Variants in LRFN5 observed in about 807,000 individuals in gnomAD.
LRFN5 encodes the protein leucine rich repeat and fibronectin type III domain containing 5.
Under a neutral mutation model 45.6 loss-of-function variants are expected in LRFN5, and 24 were observed. The observed-to-expected ratio is 0.53, with a 90% CI of 0.38 to 0.74. The LOEUF is 0.74. Among genes scored for constraint, LRFN5 ranks in the 30% least tolerant of loss-of-function variants. The probability of loss-of-function intolerance (pLI) is 0.00; values close to 1 mark genes in which losing one functional copy is unlikely to be tolerated. For missense variants in LRFN5, 776 were observed against 861.5 expected (o/e 0.90, Z 1.24); for synonymous variants, 340 against 313.8 (o/e 1.08, Z -0.88).
chr14:41,877,334 A>G (rs1461344099), intron 2 of LRFN5, among the ~76,000 whole-genome samples: 1 of 152,146 alleles, frequency 6.6e-6, no homozygotes, highest in Non-Finnish European at 1.5e-5. Context: ...ATGACATAAA[A>G]CATCTTTTTA....
chr14:41,781,634 GGAAA>G (rs1476908515), intron 2 of LRFN5, among the ~76,000 whole-genome samples: 49 of 114,934 alleles, frequency 4.3e-4, no homozygotes, highest in Admixed American at 1.7e-3. Context: ...AAGAAAGAAA[GGAAA>G]GAAAGAAAGA....
intron 1 of LRFN5, among the ~76,000 whole-genome samples, chr14:41,748,406 T>C (rs1885005560): frequency 6.6e-6 from 1 of 152,120 alleles, no homozygotes; most frequent in African/African-American, 2.4e-5. Flanking sequence ...AAATAAAATA[T>C]GCCAATTACA....
chr14:41,761,979 GT>G (rs925947387), intron 1 of LRFN5, among the ~76,000 whole-genome samples: 7 of 151,474 alleles, frequency 4.6e-5, no homozygotes, highest in Non-Finnish European at 8.8e-5. Flanking sequence ...ATACATTTTG[GT>G]TTTCACTGAA....
At chr14:41,853,509 G>A (rs1456440331) in intron 2 of LRFN5, among the ~76,000 whole-genome samples, 2 of 152,102 alleles carry the variant, frequency 1.3e-5, no homozygotes, top group Admixed American at 6.6e-5. Flanking sequence ...ACTCTTAAGC[G>A]AACTTTTTAG....
chr14:41,750,494 A>C (rs1235491991), intron 1 of LRFN5, among the ~76,000 whole-genome samples: 1 of 151,942 alleles, frequency 6.6e-6, no homozygotes, highest in Admixed American at 6.6e-5. Flanking sequence ...TATTATTTTG[A>C]AGGTCACATA....
At chr14:41,789,756 G>A (rs767533202) in intron 2 of LRFN5, among the ~76,000 whole-genome samples, 19 of 151,788 alleles carry the variant, frequency 1.3e-4, no homozygotes, top group Non-Finnish European at 1.9e-4. Context: ...CATTTTTTCT[G>A]TATCTGCTAA....
chr14:41,696,380 G>A (rs957193553), intron 1 of LRFN5, among the ~76,000 whole-genome samples: 1 of 151,858 alleles, frequency 6.6e-6, no homozygotes, highest in African/African-American at 2.4e-5. Context: ...TTCCAACTTT[G>A]AAAGAAGTTC....
intron 1 of LRFN5, among the ~76,000 whole-genome samples, chr14:41,762,297 A>G (rs997749601): frequency 4.6e-5 from 7 of 152,126 alleles, no homozygotes; most frequent in Non-Finnish European, 1.0e-4. Flanking sequence ...AACTCTTGCT[A>G]TTAGAGGAAA....
chr14:41,843,215 A>G (rs955638458), intron 2 of LRFN5, among the ~76,000 whole-genome samples: 2 of 151,478 alleles, frequency 1.3e-5, no homozygotes, highest in Admixed American at 6.6e-5. Context: ...ACTCCCAAGT[A>G]GCTAGCTAGC....
At chr14:41,661,085 A>G (rs957306823) in intron 1 of LRFN5, among the ~76,000 whole-genome samples, 6 of 151,342 alleles carry the variant, frequency 4.0e-5, no homozygotes, top group African/African-American at 1.5e-4. Flanking sequence ...ACTTGCATGT[A>G]TAGTACTAGT....
At chr14:41,615,663 A>G (rs953096439) in intron 1 of LRFN5, among the ~76,000 whole-genome samples, 1 of 152,170 alleles carries the variant, frequency 6.6e-6, no homozygotes, top group Non-Finnish European at 1.5e-5. Context: ...AGAGAAAGCA[A>G]GAAAATGCTG....
At chr14:41,865,253 A>G (rs1370295449) in intron 2 of LRFN5, among the ~76,000 whole-genome samples, 2 of 152,100 alleles carry the variant, frequency 1.3e-5, no homozygotes, top group African/African-American at 4.8e-5. Flanking sequence ...CCAACTCCAT[A>G]TAACCACCAC....
At chr14:41,871,957 A>C (rs1336534335) in intron 2 of LRFN5, among the ~76,000 whole-genome samples, 1 of 152,090 alleles carries the variant, frequency 6.6e-6, no homozygotes, top group African/African-American at 2.4e-5. Context: ...ATTATTTTAC[A>C]TTCTTATAGT....
At chr14:41,763,245 T>C (rs1433835368) in intron 1 of LRFN5, among the ~76,000 whole-genome samples, 4 of 152,172 alleles carry the variant, frequency 2.6e-5, no homozygotes, top group Non-Finnish European at 4.4e-5. Context: ...AGAAAAATGG[T>C]CACAGTTGTG....
intron 2 of LRFN5, among the ~76,000 whole-genome samples, chr14:41,864,171 C>A (rs1454468256): frequency 6.6e-6 from 1 of 152,064 alleles, no homozygotes; most frequent in East Asian, 1.9e-4. Flanking sequence ...GATTTATAAT[C>A]CTTTGGGTAT....
At position 41,674,306 on chromosome 14, in the gene LRFN5, G is replaced by C. The variant is rs1343597672; in HGVS notation, c.-197+65744G>C. On this transcript the variant is annotated intron_variant, in intron 1 of 5. Coordinates refer to ENST00000298119, the MANE Select transcript of LRFN5 (RefSeq NM_152447.5). Reference sequence around the variant, plus strand: ...CAGAGGCGTCCCTCACCTCCCGGACGGGGCGGCTGGCCGGGCGGGGGGCCG... The same window carrying C: ...CAGAGGCGTCCCTCACCTCCCGGACCGGGCGGCTGGCCGGGCGGGGGGCCG... 3.2e-3 allele frequency among the ~76,000 whole-genome samples: 433 copies of C among 133,254 alleles called. 15 individuals carry two copies. The highest frequency in any genetic ancestry group is 0.012 in the African/African-American group (418 of 34,166). The allele number at this position is 133,254 out of a possible 152,430, so 87.4% of individuals were successfully genotyped here. A position where few individuals can be genotyped will look rare whatever the true frequency, so the allele number is the denominator to read the frequency against.
In LRFN5 at chr14:41,634,451, A is replaced by C. The variant is rs116175399; in HGVS notation, c.-197+25889A>C. Among the ~76,000 whole-genome samples the C allele has an allele frequency of 3.0e-3, 453 of 152,282 alleles. 2 individuals are homozygous for C. The highest frequency in any genetic ancestry group is 0.01 in the African/African-American group (433 of 41,570). On this transcript the variant is annotated intron_variant, in intron 1 of 5. Coordinates refer to ENST00000298119, the MANE Select transcript of LRFN5 (RefSeq NM_152447.5). Reference sequence around the variant, plus strand: ...AAAAGCCATAAAGGCAAATAGCTTCATACAGAGAAAGGACATGCAGTGCTG... The same window carrying C: ...AAAAGCCATAAAGGCAAATAGCTTCCTACAGAGAAAGGACATGCAGTGCTG...
At chr14:41,850,901 T>A (rs1166452006) in intron 2 of LRFN5, among the ~76,000 whole-genome samples, 1 of 151,788 alleles carries the variant, frequency 6.6e-6, no homozygotes, top group Non-Finnish European at 1.5e-5. Context: ...AAAAAAAATA[T>A]GTGTTACTGA....
At chr14:41,890,195 G>T (rs1890727757) in intron 3 of LRFN5, among the ~76,000 whole-genome samples, 1 of 152,050 alleles carries the variant, frequency 6.6e-6, no homozygotes, top group Non-Finnish European at 1.5e-5. Context: ...TTAGATTTAG[G>T]CACTGTCTAA....
Sources: allele counts gnomAD v4.1 joint callset (sites outside exome capture counted in the v4.1 genomes callset), GRCh38; gene constraint gnomAD v4.1.1; transcripts MANE v1.5; gene names NCBI Gene and HGNC (gene_info 2026-07-23, HGNC 2026-07-21).